The following SAMTOR variants were observed in gnomAD, a reference collection of about 807,000 sequenced individuals.
SAMTOR encodes the protein UPF0532 protein C7orf60.
chr7:112,917,782 C>T, the SAMTOR span, among the ~76,000 whole-genome samples: 22 of 152,130 alleles, frequency 1.4e-4, no homozygotes, highest in Admixed American at 6.5e-4. Flanking sequence ...AGCCAAGGCT[C>T]GAGAACTACG....
the SAMTOR span, among the ~76,000 whole-genome samples, chr7:112,866,935 C>T: frequency 1.3e-5 from 2 of 152,144 alleles, no homozygotes; most frequent in South Asian, 2.1e-4. Context: ...CAAAAGAATG[C>T]GATTGTAAAC....
At chr7:112,921,553 T>C in the SAMTOR span, among the ~76,000 whole-genome samples, 1 of 147,918 alleles carries the variant, frequency 6.8e-6, no homozygotes, top group Non-Finnish European at 1.5e-5. Flanking sequence ...ACTTCATGTC[T>C]AAAACACCAA....
chr7:112,935,783 T>C, the SAMTOR span, among the ~76,000 whole-genome samples: 1 of 152,190 alleles, frequency 6.6e-6, no homozygotes, highest in African/African-American at 2.4e-5. Context: ...CTGCAGCCTT[T>C]TACATTTTCT....
At chr7:112,925,341 T>A in the SAMTOR span, among the ~76,000 whole-genome samples, 1 of 152,250 alleles carries the variant, frequency 6.6e-6, no homozygotes, top group African/African-American at 2.4e-5. Flanking sequence ...TTCACTGCCC[T>A]ATAGAATCTA....
At chr7:112,902,449 C>CAA in the SAMTOR span, among the ~76,000 whole-genome samples, 4 of 54,936 alleles carry the variant, frequency 7.3e-5, no homozygotes, top group Admixed American at 2.5e-4. Context: ...CAAAAAAAAA[C>CAA]AAAAAAAAAA....
At chr7:112,924,416 C>T in the SAMTOR span, among the ~76,000 whole-genome samples, 4 of 152,232 alleles carry the variant, frequency 2.6e-5, no homozygotes, top group South Asian at 2.1e-4. Context: ...TTAGGGTCTA[C>T]AGTCTAATAA....
At chr7:112,907,911 CA>C in the SAMTOR span, among the ~76,000 whole-genome samples, 1 of 151,812 alleles carries the variant, frequency 6.6e-6, no homozygotes, top group Non-Finnish European at 1.5e-5. Context: ...AACCTCTACA[CA>C]GGGCAATTTG....
the SAMTOR span, chr7:112,821,585 T>C: frequency 6.8e-5 from 42 of 616,572 alleles, no homozygotes; most frequent in Middle Eastern, 1.4e-3. Context: ...TAAGAATAAA[T>C]TTTAAAATTG....
the SAMTOR span, among the ~76,000 whole-genome samples, chr7:112,843,163 A>G: frequency 6.6e-6 from 1 of 151,994 alleles, no homozygotes; most frequent in African/African-American, 2.4e-5. Flanking sequence ...GTTTTAAAAT[A>G]ATTTTTGGAC....
the SAMTOR span, among the ~76,000 whole-genome samples, chr7:112,857,100 T>C: frequency 6.9e-6 from 1 of 143,918 alleles, no homozygotes; most frequent in South Asian, 2.2e-4. Context: ...TTTTTTTTTT[T>C]TTTGAGACGG....
chr7:112,939,404 G>T, the SAMTOR span: 1 of 816,210 alleles, frequency 1.2e-6, no homozygotes, highest in Non-Finnish European at 1.9e-6. Context: ...CAAAGAAAAG[G>T]GGGCGGGGAG....
the SAMTOR span, among the ~76,000 whole-genome samples, chr7:112,907,300 T>A: frequency 3.9e-5 from 6 of 152,096 alleles, no homozygotes; most frequent in East Asian, 1.2e-3. Context: ...AAAAATTAGA[T>A]CAATACTTCA....
At chr7:112,852,067 A>G in the SAMTOR span, among the ~76,000 whole-genome samples, 1 of 152,158 alleles carries the variant, frequency 6.6e-6, no homozygotes, top group African/African-American at 2.4e-5. Context: ...TGGTGAACTA[A>G]AAATGTAACT....
At chr7:112,843,509 T>C in the SAMTOR span, among the ~76,000 whole-genome samples, 2 of 152,028 alleles carry the variant, frequency 1.3e-5, no homozygotes, top group Non-Finnish European at 1.5e-5. Context: ...AAGGAATTGC[T>C]AAATTTTAAT....
the SAMTOR span, among the ~76,000 whole-genome samples, chr7:112,924,062 A>T: frequency 6.8e-6 from 1 of 146,360 alleles, no homozygotes; most frequent in South Asian, 2.2e-4. Flanking sequence ...GGGAGGGGGG[A>T]GGGATAGCAT....
the SAMTOR span, among the ~76,000 whole-genome samples, chr7:112,902,426 A>AC: frequency 6.0e-5 from 6 of 100,570 alleles, 1 homozygote; most frequent in Non-Finnish European, 9.7e-5. Context: ...CAAAAAAAAA[A>AC]AACAAAAAAA....
the SAMTOR span, among the ~76,000 whole-genome samples, chr7:112,883,162 C>T: frequency 6.6e-6 from 1 of 152,166 alleles, no homozygotes. Context: ...CAGTGACCAT[C>T]TAATATGTTT....
At chr7:112,863,363 C>T in the SAMTOR span, among the ~76,000 whole-genome samples, 3 of 152,178 alleles carry the variant, frequency 2.0e-5, no homozygotes, top group African/African-American at 7.2e-5. Flanking sequence ...CCATTCAGGA[C>T]ATAAGCAAAG....
chr7:112,820,743 G>A, the SAMTOR span: 1 of 151,804 alleles, frequency 6.6e-6, no homozygotes, highest in Non-Finnish European at 1.5e-5. Context: ...ATACCAAAAG[G>A]TCAAAACCAT....
Sources: allele counts gnomAD v4.1 joint callset (sites outside exome capture counted in the v4.1 genomes callset), GRCh38; gene constraint gnomAD v4.1.1; transcripts MANE v1.5; gene names NCBI Gene and HGNC (gene_info 2026-07-23, HGNC 2026-07-21).